The following CMTM4 variants were observed in gnomAD, a reference collection of about 807,000 sequenced individuals.
CMTM4 encodes CKLF like MARVEL transmembrane domain containing 4, also known as CKLF-like MARVEL transmembrane domain-containing protein 4.
Under a neutral mutation model 19.0 loss-of-function variants are expected in CMTM4, and 8 were observed. The observed-to-expected ratio is 0.42, with a 90% CI of 0.25 to 0.76. CMTM4 has a LOEUF of 0.76. Among genes scored for constraint, CMTM4 ranks in the 30% least tolerant of loss-of-function variants. The pLI is 0.27. For missense variants in CMTM4, 228 were observed against 290.2 expected (o/e 0.79, Z 1.56); for synonymous variants, 106 against 121.1 (o/e 0.88, Z 0.82).
chr16:66,629,308 C>T (rs1303278011), intron 2 of CMTM4, among the ~76,000 whole-genome samples: 1 of 152,190 alleles, frequency 6.6e-6, no homozygotes, highest in Non-Finnish European at 1.5e-5. Flanking sequence ...CCTTTGCACT[C>T]ACTTGTGCTT....
At chr16:66,604,660 G>C in the CMTM4 span, 1 of 557,424 alleles carries the variant, frequency 1.8e-6, no homozygotes, top group Non-Finnish European at 2.6e-6. Context: ...GCGGGTGGGG[G>C]CGGGGCGGGG....
At chr16:66,600,136 G>GTGGTTTT in the CMTM4 span, among the ~76,000 whole-genome samples, 77 of 135,152 alleles carry the variant, frequency 5.7e-4, no homozygotes, top group South Asian at 9.6e-4. Flanking sequence ...GTGTGTGTGT[G>GTGGTTTT]TTTTTTTTTG....
chr16:66,658,582 A>C (rs1354838296), intron 1 of CMTM4, among the ~76,000 whole-genome samples: 1 of 152,110 alleles, frequency 6.6e-6, no homozygotes, highest in African/African-American at 2.4e-5. Context: ...CAAAATCCTG[A>C]TACCCACATT....
rs1340905576 is a variant in CMTM4 at position 66,696,061 on chromosome 16, G to A, written c.186+279C>T. 6.6e-6 allele frequency among the ~76,000 whole-genome samples: 1 copy of A among 152,208 alleles called. No homozygotes were observed. The highest frequency in any genetic ancestry group is 1.9e-4 in the East Asian group (1 of 5,176). On this transcript the variant is annotated intron_variant, in intron 1 of 3. Coordinates refer to ENST00000394106, the MANE Select transcript of CMTM4 (RefSeq NM_181521.3). The surrounding 1 kb of genome is among the most constrained non-coding windows in gnomAD (Gnocchi z 4.3). ...CAGCCCAGTAACGCCACAGACTCCCGGGAGCGAGGGCGGAGCGGACAGGTA... is the reference window on the plus strand; with the variant it reads ...CAGCCCAGTAACGCCACAGACTCCCAGGAGCGAGGGCGGAGCGGACAGGTA...
At chr16:66,639,632 C>T (rs1374071749) in intron 1 of CMTM4, among the ~76,000 whole-genome samples, 1 of 152,060 alleles carries the variant, frequency 6.6e-6, no homozygotes, top group Non-Finnish European at 1.5e-5. Context: ...TTTGGGAGTA[C>T]AGCACTTCAG....
chr16:66,633,681 G>A (rs893351104), intron 2 of CMTM4, among the ~76,000 whole-genome samples: 14 of 152,154 alleles, frequency 9.2e-5, no homozygotes, highest in Non-Finnish European at 1.5e-4. Flanking sequence ...AGCTGGGCAC[G>A]GTGGCACATG....
chr16:66,648,653 C>T (rs1009001748), intron 1 of CMTM4, among the ~76,000 whole-genome samples: 11 of 150,426 alleles, frequency 7.3e-5, no homozygotes, highest in Admixed American at 1.3e-4. Flanking sequence ...AATGAAACTC[C>T]GTCTCAAAAA....
At position 66,621,925 on chromosome 16, in the gene CMTM4, T is replaced by A; in HGVS notation, c.*133A>T. The A allele has an allele frequency of 6.9e-7, 1 of 1,446,144 alleles. No homozygotes were observed. The highest frequency in any genetic ancestry group is 9.1e-7 in the Non-Finnish European group (1 of 1,099,584). The allele number at this position is 1,446,144 out of a possible 1,614,324, so 89.6% of individuals were successfully genotyped here. A position where few individuals can be genotyped will look rare whatever the true frequency, so the allele number is the denominator to read the frequency against. On this transcript the variant is annotated 3_prime_UTR_variant, in exon 4 of 4. Coordinates refer to ENST00000394106, the MANE Select transcript of CMTM4 (RefSeq NM_181521.3). The stretch of plus-strand genomic sequence containing the variant: ...GCCCACTGGGCCACTCGGGAAACCC[T>A]TTCCCAAAATGAACTTTTACCAAAG...
At chr16:66,610,220 A>G (rs2015325587), downstream of CMTM4, among the ~76,000 whole-genome samples, 1 of 152,106 alleles carries the variant, frequency 6.6e-6, no homozygotes. This position sits in a 1 kb window ranked among gnomAD's most constrained non-coding sequence, Gnocchi z 4.6. Flanking sequence ...TAGGAGGGGC[A>G]AGCAGTGGGC....
chr16:66,639,709 C>A (rs945876162), intron 1 of CMTM4, among the ~76,000 whole-genome samples: 122 of 151,646 alleles, frequency 8.0e-4, no homozygotes, highest in African/African-American at 3.0e-3. Context: ...ATGGCGAAAT[C>A]CTGTCTCTAC....
intron 1 of CMTM4, among the ~76,000 whole-genome samples, chr16:66,664,322 T>C (rs1049235413): frequency 1.3e-5 from 2 of 152,032 alleles, no homozygotes; most frequent in African/African-American, 4.8e-5. Flanking sequence ...TATGAGGTTC[T>C]TCATGGAGAA....
intron 1 of CMTM4, among the ~76,000 whole-genome samples, chr16:66,637,684 G>A (rs1352693139): frequency 6.6e-6 from 1 of 152,222 alleles, no homozygotes; most frequent in Non-Finnish European, 1.5e-5. Flanking sequence ...TCAGGAGAAG[G>A]AGGAGGCCCA....
In CMTM4 at chr16:66,622,046, C is replaced by T; in HGVS notation, c.*12G>A. 1 of 1,557,106 alleles carries T rather than the reference C, an allele frequency of 6.4e-7. No homozygotes were observed. Among genetic ancestry groups the T allele is most frequent in the Non-Finnish European group, 8.7e-7 (1 of 1,148,662 alleles). ...GCACGAGGACGGGAGGGAGGAGGATCCAGGCAGGTCCTCACGTGTCCAGGC... is the reference window on the plus strand; with the variant it reads ...GCACGAGGACGGGAGGGAGGAGGATTCAGGCAGGTCCTCACGTGTCCAGGC... On this transcript the variant is annotated 3_prime_UTR_variant, in exon 4 of 4. Transcript: ENST00000394106. This position sits in a 1 kb window ranked among gnomAD's most constrained non-coding sequence, Gnocchi z 4.0.
At chr16:66,693,483 A>G (rs773690950) in intron 1 of CMTM4, among the ~76,000 whole-genome samples, 1 of 152,188 alleles carries the variant, frequency 6.6e-6, no homozygotes, top group Non-Finnish European at 1.5e-5. Context: ...GTATCTTCAT[A>G]ATGACTTCTT....
At chr16:66,601,581 C>G in the CMTM4 span, among the ~76,000 whole-genome samples, 2 of 152,218 alleles carry the variant, frequency 1.3e-5, no homozygotes, top group Admixed American at 6.5e-5. Flanking sequence ...GACTGGCAGC[C>G]TGGCCCCCAG....
At chr16:66,607,577 T>C in the CMTM4 span, among the ~76,000 whole-genome samples, 29 of 152,202 alleles carry the variant, frequency 1.9e-4, no homozygotes, top group Non-Finnish European at 4.1e-4. Context: ...ATCATTAAGG[T>C]TCAAGGTTTT....
At position 66,618,487 on chromosome 16, in the gene CMTM4, G is replaced by A. The variant is rs186305598; in HGVS notation, c.*3571C>T. 9.1e-5 allele frequency: 90 copies of A among 985,478 alleles called. No homozygotes were observed. The highest frequency in any genetic ancestry group is 4.3e-4 in the Admixed American group (7 of 16,292). The allele number at this position is 985,478 out of a possible 1,614,324, so 61.0% of individuals were successfully genotyped here. Reference sequence around the variant, plus strand: ...CCACAGAAAATCTGGCACAGAAAGGGATTAGACCTCAGTCCACCTCTCAGA... The same window carrying A: ...CCACAGAAAATCTGGCACAGAAAGGAATTAGACCTCAGTCCACCTCTCAGA... On this transcript the variant is annotated 3_prime_UTR_variant, in exon 4 of 4. Coordinates refer to ENST00000394106, the MANE Select transcript of CMTM4 (RefSeq NM_181521.3).
At chr16:66,630,749 C>T (rs961598481) in intron 2 of CMTM4, among the ~76,000 whole-genome samples, 2 of 151,906 alleles carry the variant, frequency 1.3e-5, no homozygotes, top group African/African-American at 4.8e-5. Flanking sequence ...CAGCCTCTGC[C>T]CGGCCGCCCA....
Position 66,694,049 on chromosome 16 carries a change from GAAGA to G in CMTM4, c.186+2287_186+2290del, listed in dbSNP as rs573196414. ...AAAAAGAAAGAAAAAGAAAGAGTGAGAAGAAAGAGAGAGGGAGAGAGCGCGAGGG... is the reference window on the plus strand; with the variant it reads ...AAAAAGAAAGAAAAAGAAAGAGTGAGAAGAGAGAGGGAGAGAGCGCGAGGG... On this transcript the variant is annotated intron_variant, in intron 1 of 3. Transcript: ENST00000394106. 2.1e-4 allele frequency among the ~76,000 whole-genome samples: 32 copies of G among 151,596 alleles called. No homozygotes were observed. In the East Asian group the frequency reaches 6.0e-3, roughly 28 times the overall value.
Sources: allele counts gnomAD v4.1 joint callset (sites outside exome capture counted in the v4.1 genomes callset), GRCh38; gene constraint gnomAD v4.1.1; non-coding constraint Gnocchi (gnomAD v3.1); transcripts MANE v1.5; gene names NCBI Gene and HGNC (gene_info 2026-07-23, HGNC 2026-07-21).